DACH2: variants seen among roughly 807,000 people sequenced by gnomAD.
DACH2 encodes dachshund homolog 2.
Under a neutral mutation model 35.8 loss-of-function variants are expected in DACH2, and 17 were observed. The observed-to-expected ratio is 0.48, with a 90% CI of 0.33 to 0.71. The LOEUF is 0.71. Among genes scored for constraint, DACH2 ranks in the 30% least tolerant of loss-of-function variants. The probability of loss-of-function intolerance (pLI) is 0.02; values close to 1 mark genes in which losing one functional copy is unlikely to be tolerated. For missense variants in DACH2, 469 were observed against 472.7 expected (o/e 0.99, Z 0.07); for synonymous variants, 195 against 177.3 (o/e 1.10, Z -0.79).
intron 5 of DACH2, among the ~76,000 whole-genome samples, chrX:86,697,451 A>G (rs1429482206): frequency 9.0e-6 from 1 of 111,320 alleles, no homozygotes; most frequent in Non-Finnish European, 1.9e-5. Flanking sequence ...CTCCTATTAC[A>G]TCATTTCTGG....
chrX:86,183,727 T>C (rs1251744995), intron 1 of DACH2, among the ~76,000 whole-genome samples: 2 of 111,818 alleles, frequency 1.8e-5, no homozygotes, highest in African/African-American at 3.3e-5. Context: ...TTTCTATTGT[T>C]TGGAATAGTT....
rs149402735 is a variant in DACH2, at chrX:86,528,450, G to A, written c.640+14059G>A. 3.6e-5 allele frequency among the ~76,000 whole-genome samples: 4 copies of A among 111,445 alleles called. No individual in the cohort carries two copies. In the East Asian group the frequency reaches 1.1e-3, roughly 31 times the overall value. ...TACTTTTTGGACTTAGGGTACTCTG[G>A]CCACAAGAGATAAAAGACCCATGTT... On this transcript the variant is annotated intron_variant, in intron 3 of 11. Coordinates refer to ENST00000373125, the MANE Select transcript of DACH2 (RefSeq NM_053281.3).
intron 2 of DACH2, among the ~76,000 whole-genome samples, chrX:86,416,836 C>T (rs982060295): frequency 3.6e-5 from 4 of 110,195 alleles, no homozygotes; most frequent in Admixed American, 1.9e-4. Flanking sequence ...TGGTGGCTCA[C>T]GTCTGTAATC....
At chrX:86,334,698 T>C (rs1247751178) in intron 1 of DACH2, among the ~76,000 whole-genome samples, 1 of 111,889 alleles carries the variant, frequency 8.9e-6, no homozygotes, top group Admixed American at 9.5e-5. Flanking sequence ...TCTTCTCCCA[T>C]TCTGTAGGTT....
intron 2 of DACH2, among the ~76,000 whole-genome samples, chrX:86,403,745 G>C (rs2036475698): frequency 8.9e-6 from 1 of 111,732 alleles, no homozygotes; most frequent in Admixed American, 9.5e-5. Context: ...GCACACACTT[G>C]TTCATAGTAA....
chrX:86,253,093 C>A (rs1825566036), intron 1 of DACH2, among the ~76,000 whole-genome samples: 1 of 110,457 alleles, frequency 9.1e-6, no homozygotes, highest in African/African-American at 3.3e-5. Flanking sequence ...TTAATGTAAG[C>A]AAATCAGTAG....
chrX:86,801,970 C>G (rs1431701574), intron 7 of DACH2, among the ~76,000 whole-genome samples: 2 of 111,818 alleles, frequency 1.8e-5, no homozygotes, highest in East Asian at 5.6e-4. Flanking sequence ...TCTAGAAAAC[C>G]AACTGGTTGA....
intron 2 of DACH2, among the ~76,000 whole-genome samples, chrX:86,491,640 C>A (rs2038094119): frequency 9.0e-6 from 1 of 111,483 alleles, no homozygotes; most frequent in Non-Finnish European, 1.9e-5. Context: ...CGTATTTTGA[C>A]CATGAAAACA....
chrX:86,271,192 T>C (rs1248159250), intron 1 of DACH2, among the ~76,000 whole-genome samples: 1 of 111,535 alleles, frequency 9.0e-6, no homozygotes, highest in Admixed American at 9.6e-5. Flanking sequence ...AGAGAAGAGA[T>C]TGATAAAAGA....
At chrX:86,355,198 C>T (rs142249790) in intron 1 of DACH2, among the ~76,000 whole-genome samples, 6,167 of 111,925 alleles carry the variant, frequency 0.055, 424 homozygotes, top group African/African-American at 0.19. Context: ...AGGATAATGG[C>T]CTCCAGCTCC....
At chrX:86,170,622 C>T (rs1023600023) in intron 1 of DACH2, among the ~76,000 whole-genome samples, 2 of 112,512 alleles carry the variant, frequency 1.8e-5, no homozygotes, top group African/African-American at 6.5e-5. Flanking sequence ...TCCATAGCTG[C>T]TGCCACCCTA....
chrX:86,444,390 A>T lies in DACH2; in HGVS notation c.527+67528A>T, dbSNP rs775229609. ...CAGGCTTGAGCCATCGTGTGTGGCTAGTTCTTCCTTATATGTTTGGTAGAA... is the reference window on the plus strand; with the variant it reads ...CAGGCTTGAGCCATCGTGTGTGGCTTGTTCTTCCTTATATGTTTGGTAGAA... On this transcript the variant is annotated intron_variant, in intron 2 of 11. Transcript: ENST00000373125. Among the ~76,000 whole-genome samples the T allele has an allele frequency of 9.8e-5, 11 of 111,859 alleles. No individual in the cohort carries two copies. The East Asian group carries it at 3.1e-3, about 32-fold the overall frequency.
At chrX:86,500,041 A>G (rs1279604008) in intron 2 of DACH2, among the ~76,000 whole-genome samples, 4 of 111,760 alleles carry the variant, frequency 3.6e-5, no homozygotes, top group Non-Finnish European at 7.5e-5. Flanking sequence ...GTTTTATCAC[A>G]TCATTGTTTT....
rs1421369000 is a variant in DACH2, at chrX:86,395,164, T to A, written c.527+18302T>A. On this transcript the variant is annotated intron_variant, in intron 2 of 11. Transcript: ENST00000373125. The stretch of plus-strand genomic sequence containing the variant: ...CATGAACATCCTCTCTGATTTATAA[T>A]GATGATCTCTAACATATAGCCCCAT... Among the ~76,000 whole-genome samples, 6 of 111,313 alleles carry A rather than the reference T, an allele frequency of 5.4e-5. No homozygotes were observed. The Admixed American group carries it at 5.8e-4, about 11-fold the overall frequency.
chrX:86,651,205 C>G, intron 4 of DACH2, 38 bp downstream of exon 4: 13 of 1,183,683 alleles, frequency 1.1e-5, no homozygotes, highest in Non-Finnish European at 1.5e-5. Context: ...ATGACTCTTA[C>G]TGTTCTATTG....
At chrX:86,397,725 A>G (rs149122732) in intron 2 of DACH2, among the ~76,000 whole-genome samples, 9,757 of 111,597 alleles carry the variant, frequency 0.087, 1,077 homozygotes, top group African/African-American at 0.3. Flanking sequence ...CCAGCCTTGC[A>G]TCCCAGGGAT....
rs767646994 is a variant in DACH2, at chrX:86,803,133, A to T, written c.1241-9723A>T. On this transcript the variant is annotated intron_variant, in intron 7 of 11. Coordinates refer to ENST00000373125, the MANE Select transcript of DACH2 (RefSeq NM_053281.3). ...GATCAACTTCTAGTCTGTTTCTGGA[A>T]CCTCAGCAGTTTTGTATTTCTAGGC... Among the ~76,000 whole-genome samples, 8 of 111,425 alleles carry T rather than the reference A, an allele frequency of 7.2e-5. No individual in the cohort carries two copies. The South Asian group carries it at 3.0e-3, about 41-fold the overall frequency.
Position 86,812,978 on chromosome X carries a change from G to A in DACH2, c.1363G>A (p.Val455Met), listed in dbSNP as rs374778850. 47 of 1,201,774 alleles carry A rather than the reference G, an allele frequency of 3.9e-5. No individual in the cohort carries two copies. Among genetic ancestry groups the A allele is most frequent in the Non-Finnish European group, 4.7e-5 (42 of 890,829 alleles). ...CATTTTTGCTGATAGTCTGTCCTCC[G>A]TGGAGACTCTGTTGACCAACATTCA... ...PFIFADSLSS[V>M]ETLLTNIQGL... is the part of the protein sequence containing the mutation. The change falls in exon 8 of 12, where the codon GTG becomes ATG. Residue 455 changes from valine to methionine, a missense_variant. This residue lies in a region of DACH2 where 363 missense variants were observed against 334.4 expected (regional missense o/e 1.09). Transcript: ENST00000373125.
intron 2 of DACH2, among the ~76,000 whole-genome samples, chrX:86,494,395 T>C (rs1485389223): frequency 5.4e-5 from 6 of 112,098 alleles, no homozygotes; most frequent in Admixed American, 4.8e-4. Flanking sequence ...ACTCTTTTTT[T>C]CTCAGCATCA....
Sources: allele counts gnomAD v4.1 joint callset (sites outside exome capture counted in the v4.1 genomes callset), GRCh38; gene constraint gnomAD v4.1.1; regional missense constraint gnomAD v4.1.1; transcripts MANE v1.5; gene names NCBI Gene and HGNC (gene_info 2026-07-23, HGNC 2026-07-21).